The following BBOX1 variants were observed in gnomAD, a reference collection of about 807,000 sequenced individuals.
BBOX1 encodes the protein gamma-butyrobetaine hydroxylase 1.
In BBOX1, 35 loss-of-function variants were observed where a neutral mutation model predicts 41.6. The ratio of observed to expected loss-of-function variants is 0.84; its 90% CI spans 0.64 to 1.11. The LOEUF (loss-of-function observed/expected upper bound fraction) is 1.11, where lower values mean the gene tolerates loss of function less well. Among genes scored for constraint, BBOX1 ranks in the 50% most tolerant of loss-of-function variants. The pLI, the probability that BBOX1 is intolerant of heterozygous loss-of-function variation, is 0.00. For missense variants in BBOX1, 458 were observed against 460.6 expected, an observed-to-expected ratio of 0.99 and a Z score of 0.05; for synonymous variants, 163 against 154.7, an observed-to-expected ratio of 1.05 and a Z score of -0.40.
chr11:27,100,029 T>C (rs911945890), intron 5 of BBOX1, among the ~76,000 whole-genome samples: 7 of 152,122 alleles, frequency 4.6e-5, no homozygotes, highest in African/African-American at 1.2e-4. Context: ...ACAACTATAA[T>C]ATATAGCTTT....
intron 5 of BBOX1, among the ~76,000 whole-genome samples, chr11:27,099,043 G>A (rs1858548700): frequency 6.6e-6 from 1 of 151,844 alleles, no homozygotes; most frequent in African/African-American, 2.4e-5. Flanking sequence ...AAGGGAATAT[G>A]TGCTAAGTAA....
At chr11:27,089,168 A>G (rs1858146441) in intron 4 of BBOX1, among the ~76,000 whole-genome samples, 1 of 147,028 alleles carries the variant, frequency 6.8e-6, no homozygotes, top group Non-Finnish European at 1.5e-5. Flanking sequence ...TACCAGTCAC[A>G]TACATATGGC....
At chr11:27,124,940 C>G (rs1445015461) in intron 7 of BBOX1, among the ~76,000 whole-genome samples, 1 of 152,060 alleles carries the variant, frequency 6.6e-6, no homozygotes, top group Non-Finnish European at 1.5e-5. Flanking sequence ...AAAATAAAAA[C>G]CTTAGTGCCC....
chr11:27,118,068 G>C (rs1859329025), intron 6 of BBOX1, among the ~76,000 whole-genome samples: 1 of 151,862 alleles, frequency 6.6e-6, no homozygotes, highest in Non-Finnish European at 1.5e-5. Context: ...ACTTCTTAAA[G>C]ACAAGAATTG....
In BBOX1 at chr11:27,126,663, C is replaced by G. The variant is rs115999074; in HGVS notation, c.1004-630C>G. On this transcript the variant is annotated intron_variant, in intron 8 of 8. Coordinates refer to ENST00000263182, the MANE Select transcript of BBOX1 (RefSeq NM_003986.3). ...CTGAAGCTGTTAAACTGAGAAGAAA[C>G]ATTTCTTTTTTTTCTTTTTTTTTTT... Among the ~76,000 whole-genome samples the G allele has an allele frequency of 9.7e-3, 1,439 of 147,712 alleles. 24 individuals carry two copies. The highest frequency in any genetic ancestry group is 0.033 in the African/African-American group (1,358 of 40,812).
intron 4 of BBOX1, among the ~76,000 whole-genome samples, chr11:27,084,815 G>C (rs1857976149): frequency 6.6e-6 from 1 of 152,108 alleles, no homozygotes; most frequent in African/African-American, 2.4e-5. Flanking sequence ...AGGAAACCTT[G>C]TGCAAATGGT....
chr11:27,081,058 T>C (rs1216670715), intron 4 of BBOX1, among the ~76,000 whole-genome samples: 5 of 152,182 alleles, frequency 3.3e-5, no homozygotes, highest in African/African-American at 1.2e-4. Flanking sequence ...ATAGGAAATG[T>C]TGGAACTAGG....
At chr11:27,063,708 G>A (rs186007466) in intron 4 of BBOX1, among the ~76,000 whole-genome samples, 70 of 151,472 alleles carry the variant, frequency 4.6e-4, no homozygotes, top group African/African-American at 1.5e-3. Context: ...CTCTCTCATG[G>A]CAGTCTTTAC....
intron 7 of BBOX1, among the ~76,000 whole-genome samples, chr11:27,120,763 A>G (rs929901413): frequency 1.5e-4 from 23 of 152,052 alleles, no homozygotes; most frequent in South Asian, 4.1e-4. Context: ...AAATTTTTCT[A>G]TTAAGAGAAA....
chr11:27,068,503 TCTCC>T (rs1233848271), intron 4 of BBOX1, among the ~76,000 whole-genome samples: 3 of 152,152 alleles, frequency 2.0e-5, no homozygotes, highest in Non-Finnish European at 4.4e-5. Flanking sequence ...GCAAATATTT[TCTCC>T]CTTTCTGTGG....
intron 5 of BBOX1, among the ~76,000 whole-genome samples, chr11:27,098,172 C>T (rs1590210290): frequency 6.6e-6 from 1 of 151,928 alleles, no homozygotes; most frequent in East Asian, 1.9e-4. Flanking sequence ...CTTTCTTGCC[C>T]TTTTCACTTG....
chr11:27,101,063 A>C (rs1417202835), intron 5 of BBOX1, among the ~76,000 whole-genome samples: 1 of 152,150 alleles, frequency 6.6e-6, no homozygotes, highest in Admixed American at 6.6e-5. Context: ...AAAATGAGGC[A>C]GAAGAATCAG....
chr11:27,093,577 A>T (rs912457941), intron 5 of BBOX1, among the ~76,000 whole-genome samples: 1 of 152,046 alleles, frequency 6.6e-6, no homozygotes, highest in East Asian at 1.9e-4. Context: ...CACCAAAGAC[A>T]TCAGGCTAGT....
Position 27,095,030 on chromosome 11 carries a change from G to A in BBOX1, c.533+1664G>A, listed in dbSNP as rs553545397. Among the ~76,000 whole-genome samples the A allele has an allele frequency of 3.9e-4, 59 of 151,968 alleles. No homozygotes were observed. The South Asian group carries it at 7.1e-3, about 18-fold the overall frequency. ...AGTTCACTGATAAGGAAACTGAAGC[G>A]CAGAGAATTAATCTGTAACCCAAGT... On this transcript the variant is annotated intron_variant, in intron 5 of 8. Transcript: ENST00000263182.
intron 5 of BBOX1, among the ~76,000 whole-genome samples, chr11:27,099,738 A>C (rs1858575991): frequency 6.6e-6 from 1 of 152,014 alleles, no homozygotes; most frequent in African/African-American, 2.4e-5. Flanking sequence ...GTGATTTCCC[A>C]GATCTCTCTG....
intron 5 of BBOX1, among the ~76,000 whole-genome samples, chr11:27,112,487 C>G (rs185802182): frequency 1.8e-3 from 273 of 151,754 alleles, no homozygotes; most frequent in African/African-American, 6.2e-3. Flanking sequence ...AATAGGGACC[C>G]CAGAAATAAT....
intron 4 of BBOX1, chr11:27,066,387 T>G (rs1288323667): frequency 1.3e-5 from 2 of 152,162 alleles, no homozygotes; most frequent in Non-Finnish European, 2.9e-5. Context: ...GTTTACCAAA[T>G]GTACACATAA....
intron 2 of BBOX1, among the ~76,000 whole-genome samples, chr11:27,047,659 T>A (rs759350148): frequency 1.6e-4 from 24 of 152,268 alleles, no homozygotes; most frequent in Non-Finnish European, 2.9e-4. Flanking sequence ...ATAAGAATAA[T>A]TTTTAAATGG....
chr11:27,077,094 A>G (rs781194573), intron 4 of BBOX1, among the ~76,000 whole-genome samples: 83 of 152,132 alleles, frequency 5.5e-4, no homozygotes, highest in Non-Finnish European at 1.3e-4. Context: ...AGTTCTGGCC[A>G]AGGGTGTTTG....
Sources: gnomAD v4.1 joint callset for allele counts (sites outside exome capture counted in the v4.1 genomes callset) on GRCh38, gnomAD v4.1.1 for gene constraint, MANE v1.5 for transcripts, NCBI Gene and HGNC (gene_info 2026-07-23, HGNC 2026-07-21) for gene names.